The following CDH13 variants were observed in gnomAD, a reference collection of about 807,000 sequenced individuals.
The protein encoded by CDH13 is cadherin 13, also known as cadherin-13.
In CDH13, 24 loss-of-function variants were observed where a neutral mutation model predicts 63.8. The ratio of observed to expected loss-of-function variants is 0.38; its 90% CI spans 0.27 to 0.53. The LOEUF is 0.53. Among genes scored for constraint, CDH13 ranks in the 20% least tolerant of loss-of-function variants. CDH13 has a pLI of 0.85. For synonymous variants in CDH13, 503 were observed against 355.3 expected (o/e 1.42, Z -4.67); for missense variants, 1,049 against 903.1 (o/e 1.16, Z -2.07).
intron 4 of CDH13, among the ~76,000 whole-genome samples, chr16:83,184,792 G>A (rs1249506649): frequency 6.6e-6 from 1 of 152,080 alleles, no homozygotes; most frequent in African/African-American, 2.4e-5. Context: ...GGGTGTTGAT[G>A]AGGACGGTAA....
intron 5 of CDH13, among the ~76,000 whole-genome samples, chr16:83,305,999 T>C (rs1051524248): frequency 1.3e-5 from 2 of 152,150 alleles, no homozygotes; most frequent in Admixed American, 6.5e-5. Flanking sequence ...CTATTTTCAT[T>C]TGAGGCTGCC....
chr16:83,745,702 C>T (rs911419000), intron 10 of CDH13, among the ~76,000 whole-genome samples: 1 of 152,148 alleles, frequency 6.6e-6, no homozygotes, highest in Non-Finnish European at 1.5e-5. Flanking sequence ...GTAACAATCC[C>T]ATTGCAGCCC....
chr16:83,706,348 G>C (rs1326108941), intron 10 of CDH13, among the ~76,000 whole-genome samples: 1 of 152,128 alleles, frequency 6.6e-6, no homozygotes, highest in Non-Finnish European at 1.5e-5. Flanking sequence ...ATTCATGAAG[G>C]CCGTCATAAA....
intron 2 of CDH13, among the ~76,000 whole-genome samples, chr16:82,874,628 T>C (rs762573673): frequency 2.3e-4 from 35 of 152,156 alleles, no homozygotes; most frequent in Non-Finnish European, 1.6e-4. Flanking sequence ...TTAAATTCCA[T>C]AGAGGAAGGG....
At chr16:83,202,973 C>T (rs1264568714) in intron 4 of CDH13, among the ~76,000 whole-genome samples, 1 of 152,130 alleles carries the variant, frequency 6.6e-6, no homozygotes, top group African/African-American at 2.4e-5. Flanking sequence ...CGCCTGTAAT[C>T]CCAGTACTTT....
At chr16:83,724,315 A>G (rs1042542616) in intron 10 of CDH13, among the ~76,000 whole-genome samples, 1 of 150,590 alleles carries the variant, frequency 6.6e-6, no homozygotes, top group Non-Finnish European at 1.5e-5. Context: ...GTGAGTGATG[A>G]ATGAATGGAT....
intron 3 of CDH13, among the ~76,000 whole-genome samples, chr16:83,044,522 G>A (rs1019579932): frequency 6.6e-6 from 1 of 152,178 alleles, no homozygotes; most frequent in Non-Finnish European, 1.5e-5. Context: ...ACAGCACGAG[G>A]TGTCTAAATG....
At chr16:83,575,530 G>A (rs1905028833) in intron 7 of CDH13, among the ~76,000 whole-genome samples, 1 of 152,098 alleles carries the variant, frequency 6.6e-6, no homozygotes, top group African/African-American at 2.4e-5. Flanking sequence ...GTGTCCCTCT[G>A]TCTCGGCCCT....
At position 82,840,687 on chromosome 16, in the gene CDH13, A is replaced by C. The variant is rs1240611034; in HGVS notation, c.46-17675A>C. On this transcript the variant is annotated intron_variant, in intron 1 of 13. Transcript: ENST00000567109. ...GTGATGGAGTGAGAATCCATCTCAA[A>C]AAAAAAAAAAAAAAAGAAAAAAACT... 9.7e-4 allele frequency among the ~76,000 whole-genome samples: 146 copies of C among 149,876 alleles called. 1 individual carries two copies. Among genetic ancestry groups the C allele is most frequent in the African/African-American group, 1.7e-3 (69 of 41,042 alleles).
At chr16:82,673,059 C>A (rs962173051) in intron 1 of CDH13, among the ~76,000 whole-genome samples, 2 of 131,016 alleles carry the variant, frequency 1.5e-5, no homozygotes, top group Non-Finnish European at 3.1e-5. Context: ...CCAGGCTGGT[C>A]TCGAACTCCT....
intron 11 of CDH13, among the ~76,000 whole-genome samples, chr16:83,777,800 C>A (rs988692308): frequency 1.3e-5 from 2 of 152,016 alleles, no homozygotes; most frequent in African/African-American, 4.8e-5. Context: ...ACTTAATATG[C>A]GTTTCAAAAC....
chr16:83,212,130 T>C lies in CDH13; in HGVS notation c.484-5215T>C, dbSNP rs142033262. ...AACAAAGGGCTGCAGGCTCAGCTGC[T>C]GCAGCTGTGGAGTTCCCAGGAGTTG... is the stretch of plus-strand genomic sequence containing the variant. On this transcript the variant is annotated intron_variant, in intron 4 of 13. Transcript: ENST00000567109. 1.8e-4 allele frequency among the ~76,000 whole-genome samples: 28 copies of C among 152,288 alleles called. No homozygotes were observed. In the East Asian group the frequency reaches 5.2e-3, roughly 28 times the overall value.
At chr16:82,979,500 T>C (rs1209015227) in intron 2 of CDH13, among the ~76,000 whole-genome samples, 21 of 152,108 alleles carry the variant, frequency 1.4e-4, no homozygotes, top group Admixed American at 1.4e-3. Context: ...GCTGTTTTCA[T>C]GATTGTGAAT....
At chr16:83,155,774 A>G (rs1025888098) in intron 4 of CDH13, among the ~76,000 whole-genome samples, 4 of 152,204 alleles carry the variant, frequency 2.6e-5, no homozygotes, top group African/African-American at 9.7e-5. Flanking sequence ...CAAACAGATG[A>G]TATAAATACA....
At chr16:83,080,880 T>TTTTTG (rs1567810598) in intron 3 of CDH13, among the ~76,000 whole-genome samples, 10 of 112,516 alleles carry the variant, frequency 8.9e-5, no homozygotes, top group African/African-American at 2.9e-4. Flanking sequence ...TGTTTTTTTT[T>TTTTTG]TTTTTTTTTT....
In CDH13 at chr16:83,008,357, G is replaced by T. The variant is rs147493720; in HGVS notation, c.158-23653G>T. 7.9e-5 allele frequency among the ~76,000 whole-genome samples: 12 copies of T among 152,296 alleles called. No homozygotes were observed. The East Asian group carries it at 1.5e-3, about 20-fold the overall frequency. On this transcript the variant is annotated intron_variant, in intron 2 of 13. Transcript: ENST00000567109. ...GAAGGAAGTTAGGAAGTTATGCAGG[G>T]GAGCCTTGGAAATGTGGGGGAATTG...
intron 2 of CDH13, among the ~76,000 whole-genome samples, chr16:82,978,930 C>G (rs1035773947): frequency 1.3e-5 from 2 of 152,146 alleles, no homozygotes. Flanking sequence ...TCAAAGCTAG[C>G]CATGAAAGCA....
At chr16:83,518,139 G>C (rs986799146) in intron 7 of CDH13, among the ~76,000 whole-genome samples, 6 of 109,836 alleles carry the variant, frequency 5.5e-5, no homozygotes, top group African/African-American at 2.7e-4. Flanking sequence ...CATGAGATGT[G>C]ATGGTCTTTT....
chr16:83,047,585 A>G lies in CDH13; in HGVS notation c.366+15367A>G, dbSNP rs1410224796. 6.6e-6 allele frequency among the ~76,000 whole-genome samples: 1 copy of G among 152,170 alleles called. No individual in the cohort carries two copies. Among genetic ancestry groups the G allele is most frequent in the Non-Finnish European group, 1.5e-5 (1 of 68,024 alleles). On this transcript the variant is annotated intron_variant, in intron 3 of 13. Coordinates refer to ENST00000567109, the MANE Select transcript of CDH13 (RefSeq NM_001257.5). This position sits in a 1 kb window ranked among gnomAD's most constrained non-coding sequence, Gnocchi z 4.9. ...TACAAACAGAAAAAAAGCTCCCTGT[A>G]TTTTCCCAAATTCTGCATAAATAAA...
Sources: allele counts gnomAD v4.1 joint callset (sites outside exome capture counted in the v4.1 genomes callset), GRCh38; gene constraint gnomAD v4.1.1; non-coding constraint Gnocchi (gnomAD v3.1); transcripts MANE v1.5; gene names NCBI Gene and HGNC (gene_info 2026-07-23, HGNC 2026-07-21).